The following TAFA5 variants were observed in gnomAD, a reference collection of about 807,000 sequenced individuals.
TAFA5 encodes chemokine-like protein TAFA-5.
A neutral mutation model predicts 15.3 loss-of-function variants in TAFA5; 6 were observed. The observed-to-expected ratio is 0.39, with a 90% CI of 0.21 to 0.77. The LOEUF is 0.77. Ranked by LOEUF, TAFA5 falls within the 30% of genes least tolerant of loss-of-function variation. The pLI, the probability that TAFA5 is intolerant of heterozygous loss-of-function variation, is 0.41. For missense variants in TAFA5, 161 were observed against 193.1 expected (o/e 0.83, Z 0.98); for synonymous variants, 103 against 80.7 (o/e 1.28, Z -1.48).
chr22:48,713,965 C>A (rs114174317), intron 3 of TAFA5, among the ~76,000 whole-genome samples: 2 of 152,240 alleles, frequency 1.3e-5, no homozygotes, highest in African/African-American at 2.4e-5. Flanking sequence ...GCACCCCCAG[C>A]GTGAAGAAGG....
chr22:48,539,727 A>G (rs1009919164), intron 1 of TAFA5, among the ~76,000 whole-genome samples: 3 of 152,210 alleles, frequency 2.0e-5, no homozygotes, highest in Non-Finnish European at 2.9e-5. Context: ...AGGGCCTGTC[A>G]GAGAATTTCA....
rs1410908322 is a variant in TAFA5 at position 48,750,128 on chromosome 22, AC to A, written c.*283del. On this transcript the variant is annotated 3_prime_UTR_variant, in exon 4 of 4. Coordinates refer to ENST00000402357, the MANE Select transcript of TAFA5 (RefSeq NM_001082967.3). The stretch of plus-strand genomic sequence containing the variant: ...GCCCGGCCGCGCCCAGCCCCCGCCG[AC>A]CGTGGCGTTGGCCCTGCTGTCCTCA... The A allele has an allele frequency of 2.0e-6, 1 of 505,280 alleles. No individual in the cohort carries two copies. Among genetic ancestry groups the A allele is most frequent in the African/African-American group, 2.0e-5 (1 of 50,882 alleles). The allele number at this position is 505,280 out of a possible 1,614,324, so 31.3% of individuals were successfully genotyped here. A position where few individuals can be genotyped will look rare whatever the true frequency, so the allele number is the denominator to read the frequency against.
chr22:48,582,833 A>AACCACACACAAAATAC (rs1924127268), intron 1 of TAFA5, among the ~76,000 whole-genome samples: 1 of 94,908 alleles, frequency 1.1e-5, no homozygotes. Flanking sequence ...ACACACAATA[A>AACCACACACAAAATAC]ACCACACACA....
chr22:48,489,960 C>T lies in TAFA5; in HGVS notation c.112+256C>T, dbSNP rs1023857870. Reference sequence around the variant, plus strand: ...CCTTCCCTGACTCCCCGGCAGGGCCCGGGCTCCAGGCCCCGGGTGGCGCGG... The same window carrying T: ...CCTTCCCTGACTCCCCGGCAGGGCCTGGGCTCCAGGCCCCGGGTGGCGCGG... On this transcript the variant is annotated intron_variant, in intron 1 of 3. Coordinates refer to ENST00000402357, the MANE Select transcript of TAFA5 (RefSeq NM_001082967.3). The surrounding 1 kb of genome is among the most constrained non-coding windows in gnomAD (Gnocchi z 5.5). Among the ~76,000 whole-genome samples the T allele has an allele frequency of 2.6e-5, 4 of 151,872 alleles. No individual in the cohort carries two copies. The highest frequency in any genetic ancestry group is 4.4e-5 in the Non-Finnish European group (3 of 67,946).
chr22:48,616,276 TACCGCC>T (rs1925600088), intron 1 of TAFA5, among the ~76,000 whole-genome samples: 5 of 152,114 alleles, frequency 3.3e-5, no homozygotes, highest in African/African-American at 1.2e-4. Flanking sequence ...GTGTGGCCAA[TACCGCC>T]GTAACCCCGC....
rs574658663 is a variant in TAFA5 at position 48,601,989 on chromosome 22, C to T, written c.113-44608C>T. Among the ~76,000 whole-genome samples, 6 of 152,312 alleles carry T rather than the reference C, an allele frequency of 3.9e-5. No individual in the cohort carries two copies. In the South Asian group the frequency reaches 1.0e-3, roughly 26 times the overall value. ...AGACCGTGCCAGTGTGAGCGGCATG[C>T]ACCTTCCAGTCCCTGTGAGTGGGCA... On this transcript the variant is annotated intron_variant, in intron 1 of 3. Coordinates refer to ENST00000402357, the MANE Select transcript of TAFA5 (RefSeq NM_001082967.3).
chr22:48,631,889 A>G (rs1485247570), intron 1 of TAFA5, among the ~76,000 whole-genome samples: 1 of 152,148 alleles, frequency 6.6e-6, no homozygotes, highest in Non-Finnish European at 1.5e-5. Context: ...CTGGCTGTGA[A>G]CGGGCGATGG....
At chr22:48,660,854 G>C (rs1927413350) in intron 2 of TAFA5, among the ~76,000 whole-genome samples, 1 of 152,126 alleles carries the variant, frequency 6.6e-6, no homozygotes, top group Non-Finnish European at 1.5e-5. Flanking sequence ...GACACTCTCA[G>C]AGCTCCTGGC....
At chr22:48,680,214 T>G (rs1928136471) in intron 2 of TAFA5, among the ~76,000 whole-genome samples, 1 of 152,234 alleles carries the variant, frequency 6.6e-6, no homozygotes, top group Non-Finnish European at 1.5e-5. Context: ...CCTGTCTTCT[T>G]TGCTGGAAGC....
intron 3 of TAFA5, among the ~76,000 whole-genome samples, chr22:48,738,008 T>C (rs1253139719): frequency 2.0e-5 from 3 of 152,144 alleles, no homozygotes; most frequent in African/African-American, 7.2e-5. Context: ...TGGCCTCCTT[T>C]GGAGGACATG....
intron 1 of TAFA5, among the ~76,000 whole-genome samples, chr22:48,618,934 G>A (rs1925710565): frequency 6.6e-6 from 1 of 152,174 alleles, no homozygotes; most frequent in Non-Finnish European, 1.5e-5. Context: ...TGGAGTCCTG[G>A]GTTCTAGAAG....
At chr22:48,698,546 A>G (rs1928800754) in intron 2 of TAFA5, among the ~76,000 whole-genome samples, 2 of 151,254 alleles carry the variant, frequency 1.3e-5, no homozygotes, top group African/African-American at 4.9e-5. Flanking sequence ...TCTACCCATG[A>G]TGGGAGGGAT....
intron 2 of TAFA5, among the ~76,000 whole-genome samples, chr22:48,669,185 G>A (rs1009465923): frequency 1.3e-5 from 2 of 152,232 alleles, no homozygotes; most frequent in African/African-American, 2.4e-5. Flanking sequence ...CCCTGGAACT[G>A]GGAGAGAGAA....
intron 1 of TAFA5, among the ~76,000 whole-genome samples, chr22:48,564,520 T>C (rs1261269514): frequency 6.6e-6 from 1 of 152,244 alleles, no homozygotes; most frequent in African/African-American, 2.4e-5. Context: ...GTCATTGTCC[T>C]TCTGGATGGC....
intron 2 of TAFA5, among the ~76,000 whole-genome samples, chr22:48,692,746 C>T (rs1182534150): frequency 6.6e-6 from 1 of 152,242 alleles, no homozygotes; most frequent in Non-Finnish European, 1.5e-5. Context: ...CGTATCTAGA[C>T]AGCCTCGTGA....
chr22:48,693,752 C>T (rs572205877), intron 2 of TAFA5, among the ~76,000 whole-genome samples: 1 of 152,152 alleles, frequency 6.6e-6, no homozygotes. Flanking sequence ...AGGGCCTCCC[C>T]CAACCCTCCA....
intron 1 of TAFA5, among the ~76,000 whole-genome samples, chr22:48,559,651 G>A (rs899145619): frequency 5.9e-5 from 9 of 152,174 alleles, no homozygotes; most frequent in East Asian, 3.9e-4. Context: ...GAGAATCAGC[G>A]AGACCTAGAG....
chr22:48,580,827 G>T (rs1924010465), intron 1 of TAFA5, among the ~76,000 whole-genome samples: 1 of 152,206 alleles, frequency 6.6e-6, no homozygotes, highest in Admixed American at 6.5e-5. Context: ...GCGTGTGGAG[G>T]GGTGCTGGGC....
At chr22:48,571,271 CTTTTTTTTTTT>C (rs869050468) in intron 1 of TAFA5, among the ~76,000 whole-genome samples, 7 of 97,712 alleles carry the variant, frequency 7.2e-5, no homozygotes, top group Non-Finnish European at 1.4e-4. Flanking sequence ...TTGTTGTTTG[CTTTTTTTTTTT>C]TTTTTTTTTT....
Sources: allele counts gnomAD v4.1 joint callset (sites outside exome capture counted in the v4.1 genomes callset), GRCh38; gene constraint gnomAD v4.1.1; non-coding constraint Gnocchi (gnomAD v3.1); transcripts MANE v1.5; gene names NCBI Gene and HGNC (gene_info 2026-07-23, HGNC 2026-07-21).